Variants in MAGI1 observed in about 807,000 individuals in gnomAD.
MAGI1 encodes the protein membrane-associated guanylate kinase, WW and PDZ domain-containing protein 1.
MAGI1 carries 58 observed loss-of-function variants against 139.9 expected under a neutral mutation model. The observed-to-expected ratio is 0.41, with a 90% confidence interval of 0.34 to 0.52. The LOEUF (loss-of-function observed/expected upper bound fraction) is 0.52. Ranked by LOEUF, MAGI1 falls within the 20% of genes least tolerant of loss-of-function variation. The probability of loss-of-function intolerance (pLI) is 0.12; values close to 1 mark genes in which losing one functional copy is unlikely to be tolerated. For synonymous variants in MAGI1, 812 were observed against 737.9 expected (o/e 1.10, Z -1.63); for missense variants, 1,874 against 1,901.6 (o/e 0.99, Z 0.27).
intron 1 of MAGI1, among the ~76,000 whole-genome samples, chr3:65,936,951 G>C (rs1419816781): frequency 6.6e-6 from 1 of 150,744 alleles, no homozygotes; most frequent in Admixed American, 6.6e-5. Flanking sequence ...GGTGGTGATG[G>C]TGATGGTGGT....
rs114139852 is a variant in MAGI1 at position 65,739,936 on chromosome 3, C to T, written c.314-117848G>A. On this transcript the variant is annotated intron_variant, in intron 1 of 22. Coordinates refer to ENST00000402939, the MANE Select transcript of MAGI1 (RefSeq NM_001033057.2). ...CTCAAAGACACAAGGTGACCACATG[C>T]TGTTGGAAAAATGGCACCAATAGAC... Among the ~76,000 whole-genome samples, 1,234 of 152,142 alleles carry T rather than the reference C, an allele frequency of 8.1e-3. 23 individuals carry two copies. The highest frequency in any genetic ancestry group is 0.029 in the African/African-American group (1,202 of 41,506).
chr3:65,914,169 A>T (rs2279667), intron 1 of MAGI1: 25,584 of 152,102 alleles, frequency 0.17, 2,194 homozygotes, highest in Admixed American at 0.21. Flanking sequence ...GCACCATATG[A>T]CTACATCCAC....
intron 2 of MAGI1, among the ~76,000 whole-genome samples, chr3:65,602,582 T>C (rs574961340): frequency 1.3e-5 from 2 of 152,240 alleles, no homozygotes; most frequent in South Asian, 2.1e-4. Context: ...ATAGGGTTTC[T>C]TTCTCGGGGT....
intron 1 of MAGI1, among the ~76,000 whole-genome samples, chr3:65,779,875 G>A (rs898613824): frequency 1.3e-5 from 2 of 152,138 alleles, no homozygotes; most frequent in Non-Finnish European, 2.9e-5. Context: ...TCGATTACAT[G>A]TGATGGGAAC....
chr3:65,462,908 G>C (rs1949914252), intron 5 of MAGI1, among the ~76,000 whole-genome samples: 1 of 152,182 alleles, frequency 6.6e-6, no homozygotes, highest in South Asian at 2.1e-4. Flanking sequence ...CTCATGATTT[G>C]GCTCTCTGTT....
chr3:65,719,548 CTTTT>C (rs60382042), intron 1 of MAGI1, among the ~76,000 whole-genome samples: 1 of 140,628 alleles, frequency 7.1e-6, no homozygotes, highest in Non-Finnish European at 1.6e-5. Flanking sequence ...TACTCAACCT[CTTTT>C]TTTTTTTTTT....
intron 1 of MAGI1, among the ~76,000 whole-genome samples, chr3:65,692,269 A>G (rs1237516163): frequency 1.3e-5 from 2 of 152,196 alleles, no homozygotes; most frequent in Admixed American, 6.5e-5. Flanking sequence ...ACAAAGACAG[A>G]TATCGTTTAT....
intron 1 of MAGI1, 74 bp from the exon 2 acceptor site, chr3:65,622,162 T>C: frequency 2.8e-6 from 3 of 1,055,672 alleles, no homozygotes; most frequent in South Asian, 2.5e-5. Context: ...CAAGAACTGA[T>C]TGCAAGAAAG....
At chr3:65,447,786 GTC>G (rs1371103465) in intron 7 of MAGI1, among the ~76,000 whole-genome samples, 19 of 152,190 alleles carry the variant, frequency 1.2e-4, no homozygotes, top group African/African-American at 4.6e-4. Flanking sequence ...TCTCGTTCTA[GTC>G]TCTGTTCAGT....
intron 1 of MAGI1, among the ~76,000 whole-genome samples, chr3:65,881,999 C>T (rs914326820): frequency 3.3e-5 from 5 of 152,206 alleles, no homozygotes; most frequent in African/African-American, 1.2e-4. Context: ...CCCAAGCAAC[C>T]TTCAGTTTAG....
chr3:65,626,221 C>G (rs991127094), intron 1 of MAGI1, among the ~76,000 whole-genome samples: 1 of 152,172 alleles, frequency 6.6e-6, no homozygotes, highest in Non-Finnish European at 1.5e-5. Context: ...TTTTCAGATA[C>G]AGTAACTTTT....
At chr3:65,453,180 T>C in intron 6 of MAGI1, 78 bp downstream of exon 6, 1 of 1,260,974 alleles carries the variant, frequency 7.9e-7, no homozygotes, top group Non-Finnish European at 1.2e-6. Flanking sequence ...CCGACTGACC[T>C]GGCTACGACT....
intron 13 of MAGI1, among the ~76,000 whole-genome samples, chr3:65,396,501 G>A (rs1377756447): frequency 2.6e-5 from 4 of 152,002 alleles, no homozygotes; most frequent in South Asian, 2.1e-4. Context: ...ATGGAAATGC[G>A]AAAAAAATCA....
At chr3:65,567,579 G>C (rs900878622) in intron 2 of MAGI1, among the ~76,000 whole-genome samples, 2 of 152,210 alleles carry the variant, frequency 1.3e-5, no homozygotes, top group Non-Finnish European at 2.9e-5. Context: ...GCTCACACCA[G>C]TAATCTCAGC....
intron 1 of MAGI1, among the ~76,000 whole-genome samples, chr3:66,031,797 C>A (rs887866559): frequency 1.3e-5 from 2 of 149,052 alleles, no homozygotes; most frequent in African/African-American, 4.9e-5. Flanking sequence ...AAAAAAAGTA[C>A]ACAGGGACAA....
chr3:65,870,412 A>G (rs1314278247), intron 1 of MAGI1, among the ~76,000 whole-genome samples: 1 of 152,092 alleles, frequency 6.6e-6, no homozygotes, highest in Non-Finnish European at 1.5e-5. Flanking sequence ...TCTCTTCTCT[A>G]GGACCTAGAG....
intron 1 of MAGI1, among the ~76,000 whole-genome samples, chr3:65,898,956 C>G (rs776833969): frequency 2.0e-5 from 3 of 152,138 alleles, no homozygotes; most frequent in Non-Finnish European, 4.4e-5. Context: ...GGGTCTCACT[C>G]TGCAGCCCAG....
chr3:65,593,401 T>TG (rs1401029278), intron 2 of MAGI1, among the ~76,000 whole-genome samples: 5 of 147,402 alleles, frequency 3.4e-5, no homozygotes, highest in South Asian at 2.2e-4. Context: ...TTGTGAAGGA[T>TG]GGGGGGGAAA....
chr3:65,387,072 C>G, intron 14 of MAGI1: 1 of 1,370,844 alleles, frequency 7.3e-7, no homozygotes, highest in African/African-American at 1.4e-5. Context: ...CTCCCCAGGC[C>G]CCCAGACCAA....
Sources: allele counts gnomAD v4.1 joint callset (sites outside exome capture counted in the v4.1 genomes callset), GRCh38; gene constraint gnomAD v4.1.1; transcripts MANE v1.5; gene names NCBI Gene and HGNC (gene_info 2026-07-23, HGNC 2026-07-21).